CNTN5: variants seen among roughly 807,000 people sequenced by gnomAD.
CNTN5 encodes the protein contactin 5, also known as contactin-5.
CNTN5 carries 77 observed loss-of-function variants against 129.1 expected under a neutral mutation model. The ratio of observed to expected loss-of-function variants is 0.60; its 90% CI spans 0.50 to 0.72. CNTN5 has a LOEUF of 0.72. Ranked by LOEUF, CNTN5 falls within the 30% of genes least tolerant of loss-of-function variation. The pLI is 0.00. For missense variants in CNTN5, 1,478 were observed against 1,328.8 expected, an observed-to-expected ratio of 1.11 and a Z score of -1.75; for synonymous variants, 509 against 465.6, an observed-to-expected ratio of 1.09 and a Z score of -1.20.
At chr11:99,478,967 A>G (rs992912897) in intron 2 of CNTN5, among the ~76,000 whole-genome samples, 2 of 152,072 alleles carry the variant, frequency 1.3e-5, no homozygotes, top group Admixed American at 6.6e-5. Context: ...TGTGTTTGGG[A>G]TTTCTTTTAG....
intron 1 of CNTN5, among the ~76,000 whole-genome samples, chr11:99,160,465 T>C (rs1860554548): frequency 6.6e-6 from 1 of 152,192 alleles, no homozygotes; most frequent in South Asian, 2.1e-4. Flanking sequence ...CTTGGCCATG[T>C]TTGCACTAGT....
intron 7 of CNTN5, among the ~76,000 whole-genome samples, chr11:99,939,276 T>G (rs2136105301): frequency 6.6e-6 from 1 of 152,234 alleles, no homozygotes; most frequent in African/African-American, 2.4e-5. Context: ...TACTATAAAT[T>G]TGCGTTTTTC....
chr11:99,040,128 C>G (rs1269413897), intron 1 of CNTN5, among the ~76,000 whole-genome samples: 1 of 151,890 alleles, frequency 6.6e-6, no homozygotes, highest in Non-Finnish European at 1.5e-5. Context: ...TGCCAAGGTA[C>G]CTCCAAGAAG....
chr11:99,609,373 AG>A (rs1950528475), intron 3 of CNTN5, among the ~76,000 whole-genome samples: 1 of 152,150 alleles, frequency 6.6e-6, no homozygotes, highest in African/African-American at 2.4e-5. Flanking sequence ...TGACTAAGGA[AG>A]GGCTCCTCAT....
intron 2 of CNTN5, among the ~76,000 whole-genome samples, chr11:99,436,710 A>G (rs531284566): frequency 6.6e-6 from 1 of 152,162 alleles, no homozygotes; most frequent in Non-Finnish European, 1.5e-5. Flanking sequence ...TTACATTTAC[A>G]AAATACTCAA....
intron 9 of CNTN5, among the ~76,000 whole-genome samples, chr11:100,041,234 T>C (rs1297947216): frequency 6.6e-6 from 1 of 152,184 alleles, no homozygotes; most frequent in African/African-American, 2.4e-5. Context: ...AAATAACTCC[T>C]ACCAATTATG....
At chr11:100,257,512 G>A (rs1457041259) in intron 17 of CNTN5, among the ~76,000 whole-genome samples, 1 of 152,146 alleles carries the variant, frequency 6.6e-6, no homozygotes, top group East Asian at 1.9e-4. Flanking sequence ...CCAGCAGGGA[G>A]TTGTCACCGA....
intron 2 of CNTN5, among the ~76,000 whole-genome samples, chr11:99,470,021 G>A (rs1945111250): frequency 6.6e-6 from 1 of 152,136 alleles, no homozygotes; most frequent in Admixed American, 6.5e-5. Context: ...AAGAGTTAGA[G>A]CAGCCTGTCC....
At chr11:99,386,076 G>A (rs1451121521) in intron 2 of CNTN5, among the ~76,000 whole-genome samples, 2 of 152,256 alleles carry the variant, frequency 1.3e-5, no homozygotes, top group East Asian at 1.9e-4. Context: ...ATCTACTCAA[G>A]CCCGTTTTTC....
chr11:99,951,336 A>G (rs145928611), intron 7 of CNTN5, among the ~76,000 whole-genome samples: 229 of 151,386 alleles, frequency 1.5e-3, no homozygotes, highest in Middle Eastern at 3.4e-3. Context: ...TCCCAGCTCT[A>G]TCTGATATTT....
chr11:100,150,564 A>AT (rs1194557490), intron 13 of CNTN5, among the ~76,000 whole-genome samples: 5 of 150,806 alleles, frequency 3.3e-5, no homozygotes, highest in Non-Finnish European at 7.4e-5. Flanking sequence ...AATTTTAGTT[A>AT]TTTTTTGTGC....
chr11:99,352,896 T>C (rs549882612), intron 2 of CNTN5, among the ~76,000 whole-genome samples: 1 of 152,300 alleles, frequency 6.6e-6, no homozygotes, highest in East Asian at 1.9e-4. Context: ...ACCCTGAGTG[T>C]GTTTTCCTGA....
intron 2 of CNTN5, among the ~76,000 whole-genome samples, chr11:99,445,857 G>C (rs1253156802): frequency 6.6e-6 from 1 of 152,038 alleles, no homozygotes; most frequent in African/African-American, 2.4e-5. Context: ...GCCGAGGCAG[G>C]CGGATCACCT....
chr11:99,232,002 G>A (rs1861024697), intron 1 of CNTN5, among the ~76,000 whole-genome samples: 1 of 152,048 alleles, frequency 6.6e-6, no homozygotes, highest in South Asian at 2.1e-4. Context: ...TGTTAAATTG[G>A]TCTAGGTGTC....
chr11:99,654,633 T>A (rs543392536), intron 3 of CNTN5, among the ~76,000 whole-genome samples: 22 of 152,208 alleles, frequency 1.4e-4, no homozygotes, highest in Admixed American at 7.9e-4. Context: ...TGTTGTTAAA[T>A]TAAATTGCTT....
At chr11:99,828,450 A>G (rs1379998047) in intron 4 of CNTN5, among the ~76,000 whole-genome samples, 3 of 152,186 alleles carry the variant, frequency 2.0e-5, no homozygotes, top group African/African-American at 4.8e-5. Flanking sequence ...AAGGGCAGAG[A>G]CAGTGAGAGC....
intron 3 of CNTN5, among the ~76,000 whole-genome samples, chr11:99,653,277 A>T (rs554783831): frequency 1.9e-3 from 295 of 152,006 alleles, no homozygotes; most frequent in Non-Finnish European, 1.9e-3. Context: ...CCCAAAATGC[A>T]TGGTACATTT....
intron 7 of CNTN5, among the ~76,000 whole-genome samples, chr11:99,921,121 A>G (rs1382178723): frequency 1.3e-5 from 2 of 152,156 alleles, no homozygotes. Context: ...CTGTGGGAAA[A>G]TAAATTTCTG....
chr11:99,467,237 G>T (rs530427728), intron 2 of CNTN5, among the ~76,000 whole-genome samples: 2 of 151,886 alleles, frequency 1.3e-5, no homozygotes, highest in Non-Finnish European at 2.9e-5. Flanking sequence ...CTATATTTGC[G>T]CTTTTTTGGG....
Sources: gnomAD v4.1 joint callset for allele counts (sites outside exome capture counted in the v4.1 genomes callset) on GRCh38, gnomAD v4.1.1 for gene constraint, MANE v1.5 for transcripts, NCBI Gene and HGNC (gene_info 2026-07-23, HGNC 2026-07-21) for gene names.